RFT1: variants seen among roughly 807,000 people sequenced by gnomAD.
The protein encoded by RFT1 is man(5)GlcNAc(2)-PP-dolichol translocation protein RFT1.
RFT1 carries 43 observed loss-of-function variants against 62.2 expected under a neutral mutation model. The observed-to-expected ratio is 0.69, with a 90% CI of 0.54 to 0.89. The LOEUF (loss-of-function observed/expected upper bound fraction) is 0.89, where lower values mean the gene tolerates loss of function less well. Ranked by LOEUF, RFT1 falls within the 40% of genes least tolerant of loss-of-function variation. RFT1 has a pLI of 0.00. For synonymous variants in RFT1, 262 were observed against 264.6 expected (o/e 0.99, Z 0.10); for missense variants, 605 against 649.9 (o/e 0.93, Z 0.75).
At chr3:53,084,875 T>A (rs997657989), downstream of RFT1, among the ~76,000 whole-genome samples, 1 of 152,134 alleles carries the variant, frequency 6.6e-6, no homozygotes, top group Non-Finnish European at 1.5e-5. Context: ...ATGTCACGGG[T>A]CCCCATGCAG....
At position 53,092,051 on chromosome 3, in the gene RFT1, T is replaced by C. The variant is rs752318578; in HGVS notation, c.1478A>G (p.Gln493Arg). 10 of 1,614,258 alleles carry C rather than the reference T, an allele frequency of 6.2e-6. No homozygotes were observed. The highest frequency in any genetic ancestry group is 8.5e-6 in the Non-Finnish European group (10 of 1,180,038). ...GTGTGCCAGTCTGGCTGGCCAGCCCTGCTCACAGCAGAGGAATACCTGGGG... is the reference window on the plus strand; with the variant it reads ...GTGTGCCAGTCTGGCTGGCCAGCCCCGCTCACAGCAGAGGAATACCTGGGG... ...AVSEVFLCCE[Q>R]GWPARLAHIA... Residue 493 changes from glutamine to arginine, a missense_variant, in exon 13 of 13, where the codon CAG (glutamine) becomes CGG (arginine). Gln to Arg is a conservative substitution (Grantham distance 43, BLOSUM62 1). Coordinates refer to ENST00000296292, the MANE Select transcript of RFT1 (RefSeq NM_052859.4).
In RFT1 at chr3:53,105,781, A is replaced by G. The variant is rs369926092; in HGVS notation, c.849T>C (p.Asn283=). 9.3e-6 allele frequency: 15 copies of G among 1,613,802 alleles called. No homozygotes were observed. In the African/African-American group the frequency reaches 1.9e-4, roughly 20 times the overall value. The part of the protein sequence containing the change: ...GDQGVYDIVN[N]LGSLVARLIF... The stretch of plus-strand genomic sequence containing the variant: ...TTAATCTGGCCACAAGGGAGCCAAG[A>G]TTATTCACTATATCATACACACCTA... Residue 283 remains asparagine (N), a synonymous_variant, in exon 9 of 13, where the codon AAT becomes AAC. Coordinates refer to ENST00000296292, the MANE Select transcript of RFT1 (RefSeq NM_052859.4).
At chr3:53,099,258 T>C in intron 11 of RFT1, 123 bp downstream of exon 11, 1 of 769,018 alleles carries the variant, frequency 1.3e-6, no homozygotes, top group Non-Finnish European at 2.3e-6. Context: ...ACTGGTGGAC[T>C]AAGTGTTGCC....
At chr3:53,130,023 G>A (rs1037057867) in intron 1 of RFT1, among the ~76,000 whole-genome samples, 12 of 152,120 alleles carry the variant, frequency 7.9e-5, no homozygotes, top group African/African-American at 2.9e-4. Context: ...TCAGATTCTC[G>A]AGCACGAAAT....
At chr3:53,097,168 A>G (rs1701165703) in intron 11 of RFT1, among the ~76,000 whole-genome samples, 1 of 152,180 alleles carries the variant, frequency 6.6e-6, no homozygotes, top group African/African-American at 2.4e-5. Context: ...TGATTGTAAC[A>G]GTTAACTAAG....
At chr3:53,068,781 A>T in the RFT1 span, among the ~76,000 whole-genome samples, 1 of 152,122 alleles carries the variant, frequency 6.6e-6, no homozygotes, top group Non-Finnish European at 1.5e-5. Context: ...ATTTTTTTTT[A>T]CTTTACAATG....
chr3:53,099,318 T>C (rs898134206), intron 11 of RFT1, 63 bp downstream of exon 11: 3 of 1,369,338 alleles, frequency 2.2e-6, no homozygotes, highest in Non-Finnish European at 3.1e-6. Flanking sequence ...AGCAAAAAGC[T>C]TGACAAGTTA....
rs116109843 is a variant in RFT1, at chr3:53,128,942, G to C, written c.63+1396C>G. 5.4e-3 allele frequency among the ~76,000 whole-genome samples: 823 copies of C among 152,358 alleles called. 9 individuals are homozygous for C. The highest frequency in any genetic ancestry group is 0.019 in the African/African-American group (771 of 41,574). ...CCTCACTGTCACACGGCAAGTAAAT[G>C]ACCCAGCTTGACCTTACAGGTAAGC... On this transcript the variant is annotated intron_variant, in intron 1 of 12. Coordinates refer to ENST00000296292, the MANE Select transcript of RFT1 (RefSeq NM_052859.4).
chr3:53,091,779 C>A lies in RFT1; in HGVS notation c.*124G>T. On this transcript the variant is annotated 3_prime_UTR_variant, in exon 13 of 13. Coordinates refer to ENST00000296292, the MANE Select transcript of RFT1 (RefSeq NM_052859.4). ...CATGCAGTGGCACTCTCTGGTGCCT[C>A]ATCTCTGGGGTTGCTGTCACTCCGC... 9.9e-7 allele frequency: 1 copy of A among 1,014,328 alleles called. No individual in the cohort carries two copies. The highest frequency in any genetic ancestry group is 1.3e-5 in the South Asian group (1 of 74,418). The allele number at this position is 1,014,328 out of a possible 1,614,324, so 62.8% of individuals were successfully genotyped here.
At chr3:53,126,125 T>C in intron 1 of RFT1, 131 bp from the exon 2 acceptor site, 1 of 703,786 alleles carries the variant, frequency 1.4e-6, no homozygotes, top group Non-Finnish European at 2.5e-6. Context: ...ATGGAGACTC[T>C]CCTCTAAGAC....
intron 6 of RFT1, among the ~76,000 whole-genome samples, chr3:53,113,118 C>A (rs905727735): frequency 1.3e-5 from 2 of 152,176 alleles, no homozygotes; most frequent in Non-Finnish European, 2.9e-5. Flanking sequence ...TGGGCTCAAG[C>A]CATCTTCCCC....
intron 2 of RFT1, among the ~76,000 whole-genome samples, chr3:53,125,244 G>A (rs1465583601): frequency 2.0e-5 from 3 of 152,160 alleles, no homozygotes; most frequent in African/African-American, 7.2e-5. Flanking sequence ...TATTTATCAG[G>A]ACATGAAGAC....
chr3:53,074,068 GC>G, the RFT1 span, among the ~76,000 whole-genome samples: 1 of 152,172 alleles, frequency 6.6e-6, no homozygotes. Context: ...TGGGGGATGG[GC>G]CCTGGGGTCT....
intron 6 of RFT1, among the ~76,000 whole-genome samples, chr3:53,113,038 C>G (rs936027342): frequency 1.3e-5 from 2 of 152,124 alleles, no homozygotes; most frequent in Non-Finnish European, 2.9e-5. Flanking sequence ...GTTTTAGAAA[C>G]AGGGTCTCAC....
intron 11 of RFT1, among the ~76,000 whole-genome samples, chr3:53,093,071 G>A (rs756951241): frequency 1.8e-4 from 28 of 152,202 alleles, no homozygotes; most frequent in African/African-American, 1.4e-4. Context: ...GCACAGAGAA[G>A]TTGAGTAATT....
chr3:53,120,821 T>C (rs1206817663), intron 5 of RFT1, among the ~76,000 whole-genome samples: 3 of 151,602 alleles, frequency 2.0e-5, no homozygotes, highest in African/African-American at 4.9e-5. Context: ...AAAAGAAGAG[T>C]CTCACTTTAG....
At chr3:53,070,393 G>GGTT in the RFT1 span, among the ~76,000 whole-genome samples, 998 of 85,410 alleles carry the variant, frequency 0.012, 218 homozygotes, top group East Asian at 0.016. Flanking sequence ...CTGTATTATG[G>GGTT]TTTTTTTTTT....
downstream of RFT1, among the ~76,000 whole-genome samples, chr3:53,087,019 C>T (rs1206813681): frequency 2.0e-5 from 3 of 152,206 alleles, no homozygotes; most frequent in Non-Finnish European, 2.9e-5. Flanking sequence ...AGGCAGATCA[C>T]TTGCGGTCAG....
At chr3:53,103,354 A>G (rs4234640) in intron 10 of RFT1, 870,534 of 873,954 alleles carry the variant, frequency 1, 433,654 homozygotes, top group East Asian at 1. Flanking sequence ...TTTGAAATTG[A>G]TGAAGTCCCC....
Sources: allele counts gnomAD v4.1 joint callset (sites outside exome capture counted in the v4.1 genomes callset), GRCh38; gene constraint gnomAD v4.1.1; transcripts MANE v1.5; gene names NCBI Gene and HGNC (gene_info 2026-07-23, HGNC 2026-07-21).